The following PPP1R2 variants were observed in gnomAD, a reference collection of about 807,000 sequenced individuals.
PPP1R2 encodes protein phosphatase 1 regulatory inhibitor subunit 2, also known as protein phosphatase inhibitor 2.
A neutral mutation model predicts 29.9 loss-of-function variants in PPP1R2; 16 were observed. The ratio of observed to expected loss-of-function variants is 0.53; its 90% CI spans 0.36 to 0.81. The LOEUF (loss-of-function observed/expected upper bound fraction) is 0.81, where lower values mean the gene tolerates loss of function less well. Ranked by LOEUF, PPP1R2 falls within the 30% of genes least tolerant of loss-of-function variation. The pLI is 0.00. For missense variants in PPP1R2, 197 were observed against 252.7 expected, an observed-to-expected ratio of 0.78 and a Z score of 1.49; for synonymous variants, 76 against 91.5, an observed-to-expected ratio of 0.83 and a Z score of 0.96.
chr3:195,529,908 T>G lies in PPP1R2; in HGVS notation c.123-7A>C. 6.3e-7 allele frequency: 1 copy of G among 1,592,946 alleles called. No individual in the cohort carries two copies. The highest frequency in any genetic ancestry group is 8.5e-7 in the Non-Finnish European group (1 of 1,171,048). On this transcript the variant is annotated splice_region_variant and splice_polypyrimidine_tract_variant and intron_variant, in intron 1 of 5. Coordinates refer to ENST00000618156, the MANE Select transcript of PPP1R2 (RefSeq NM_006241.8). ...CCACTTCTGGGATTTTTTGCTAAAA[T>G]TAAAAAGAAAAAACGTTTTTCCCAA... is the stretch of plus-strand genomic sequence containing the variant.
In PPP1R2 at chr3:195,542,943, G is replaced by A. The variant is rs552785268; in HGVS notation, c.83C>T (p.Ser28Leu). 206 of 1,603,244 alleles carry A rather than the reference G, an allele frequency of 1.3e-4. 4 individuals are homozygous for A. In the South Asian group the frequency reaches 2.0e-3, roughly 16 times the overall value. The change falls in exon 1 of 6, where the codon TCG becomes TTG. Residue 28 changes from serine to leucine, a missense_variant. Ser to Leu is a moderately radical substitution (Grantham distance 145, BLOSUM62 -2). Coordinates refer to ENST00000618156, the MANE Select transcript of PPP1R2 (RefSeq NM_006241.8). ...GACATTCCCGCGGGGCTGTTCGGCC[G>A]ACGCCACCATAGAGGAAGTCGTAGA... ...KTSTTSSMVA[S>L]AEQPRGNVDE...
intron 2 of PPP1R2, chr3:195,529,529 G>A (rs1208617476): frequency 3.7e-6 from 1 of 268,306 alleles, no homozygotes; most frequent in East Asian, 7.4e-5. Context: ...ACTAATATAT[G>A]CACCATTAGT....
At chr3:195,533,410 TA>T (rs990902508) in intron 1 of PPP1R2, among the ~76,000 whole-genome samples, 1 of 151,960 alleles carries the variant, frequency 6.6e-6, no homozygotes, top group Non-Finnish European at 1.5e-5. Flanking sequence ...GTTGCTCCAG[TA>T]AATTGCCTGT....
chr3:195,519,791 C>G lies in PPP1R2; in HGVS notation c.404-606G>C, dbSNP rs145807848. Among the ~76,000 whole-genome samples, 33 of 151,906 alleles carry G rather than the reference C, an allele frequency of 2.2e-4. No individual in the cohort carries two copies. The East Asian group carries it at 6.0e-3, about 28-fold the overall frequency. ...ATTATAAAGTAATGGTGAAGTGACT[C>G]CAAAATATTTCATTTTAGTCTTCAC... On this transcript the variant is annotated intron_variant, in intron 4 of 5. Transcript: ENST00000618156.
At chr3:195,533,348 A>G (rs756770920) in intron 1 of PPP1R2, among the ~76,000 whole-genome samples, 9 of 133,264 alleles carry the variant, frequency 6.8e-5, no homozygotes, top group Admixed American at 2.3e-4. Flanking sequence ...CTGCCTCAGG[A>G]AAAAAAAAAA....
chr3:195,530,947 T>C (rs1255153323), intron 1 of PPP1R2, among the ~76,000 whole-genome samples: 1 of 151,892 alleles, frequency 6.6e-6, no homozygotes, highest in Non-Finnish European at 1.5e-5. Context: ...CTCAGCCTCC[T>C]GAGTAGCTGG....
At chr3:195,533,950 A>G (rs1224638872) in intron 1 of PPP1R2, among the ~76,000 whole-genome samples, 1 of 152,232 alleles carries the variant, frequency 6.6e-6, no homozygotes, top group Admixed American at 6.5e-5. Context: ...TTAAAATTAC[A>G]AGATAACAGA....
chr3:195,518,400 C>T (rs1267837003), intron 5 of PPP1R2, among the ~76,000 whole-genome samples: 1 of 152,072 alleles, frequency 6.6e-6, no homozygotes, highest in South Asian at 2.1e-4. Context: ...GCCTGTAATC[C>T]CAGCACTTTG....
At chr3:195,537,822 GACA>G (rs764187418) in intron 1 of PPP1R2, among the ~76,000 whole-genome samples, 7 of 151,894 alleles carry the variant, frequency 4.6e-5, no homozygotes, top group Non-Finnish European at 1.0e-4. Flanking sequence ...TCCAAAAAAA[GACA>G]ACAATAGCTT....
chr3:195,517,085 C>A, intron 5 of PPP1R2, 143 bp from the exon 6 acceptor site: 1 of 657,410 alleles, frequency 1.5e-6, no homozygotes, highest in Non-Finnish European at 2.7e-6. Context: ...CTGATTTAGA[C>A]TGAAATTGAA....
At position 195,516,139 on chromosome 3, in the gene PPP1R2, T is replaced by C. The variant is rs1248346770; in HGVS notation, c.*757A>G. 2.0e-5 allele frequency: 3 copies of C among 152,516 alleles called. No individual in the cohort carries two copies. The highest frequency in any genetic ancestry group is 7.2e-5 in the African/African-American group (3 of 41,432). 9.4% of individuals were successfully genotyped at this position (152,516 alleles called of 1,614,324 possible). A position where few individuals can be genotyped will look rare whatever the true frequency, so the allele number is the denominator to read the frequency against. On this transcript the variant is annotated 3_prime_UTR_variant, in exon 6 of 6. Coordinates refer to ENST00000618156, the MANE Select transcript of PPP1R2 (RefSeq NM_006241.8). The stretch of plus-strand genomic sequence containing the variant: ...GAATGGCGAGATAGCTACATTAGAA[T>C]ATTTATTTTTTTAAAAAACTGCTCT...
chr3:195,524,673 A>T, intron 3 of PPP1R2, 146 bp downstream of exon 3: 1 of 687,850 alleles, frequency 1.5e-6, no homozygotes, highest in Non-Finnish European at 2.4e-6. Context: ...AAAAAGGGGG[A>T]AAAAAGGAAA....
intron 1 of PPP1R2, among the ~76,000 whole-genome samples, chr3:195,531,568 A>AT (rs1323940654): frequency 1.3e-5 from 2 of 152,168 alleles, no homozygotes; most frequent in Non-Finnish European, 2.9e-5. Context: ...TTCTACCCTA[A>AT]TATACCCACA....
In PPP1R2 at chr3:195,525,010, C is replaced by T; in HGVS notation, c.231-114G>A. The stretch of plus-strand genomic sequence containing the variant: ...TTAACATATCAATATATTTATAGCT[C>T]TGTTGATATCTTTGAGGTTTAACTT... On this transcript the variant is annotated intron_variant, in intron 2 of 5. Coordinates refer to ENST00000618156, the MANE Select transcript of PPP1R2 (RefSeq NM_006241.8). The T allele has an allele frequency of 4.9e-6, 4 of 811,952 alleles. No individual in the cohort carries two copies. The South Asian group carries it at 6.3e-5, about 13-fold the overall frequency. 50.3% of individuals were successfully genotyped at this position (811,952 alleles called of 1,614,324 possible). A position where few individuals can be genotyped will look rare whatever the true frequency, so the allele number is the denominator to read the frequency against.
chr3:195,527,554 G>A (rs542730935), intron 2 of PPP1R2, among the ~76,000 whole-genome samples: 11 of 152,190 alleles, frequency 7.2e-5, no homozygotes, highest in Non-Finnish European at 1.2e-4. Context: ...TTGAGCCACT[G>A]CACCTGGCCT....
At position 195,521,411 on chromosome 3, in the gene PPP1R2, A is replaced by C. The variant is rs114318860; in HGVS notation, c.404-2226T>G. Among the ~76,000 whole-genome samples, 772 of 150,866 alleles carry C rather than the reference A, an allele frequency of 5.1e-3. 5 individuals are homozygous for C. Among genetic ancestry groups the C allele is most frequent in the African/African-American group, 0.018 (738 of 41,208 alleles). Reference sequence around the variant, plus strand: ...AGTAAACATTCTGCCATAATGATTTATGTAATTTTAAAATCGTTACAAGTT... The same window carrying C: ...AGTAAACATTCTGCCATAATGATTTCTGTAATTTTAAAATCGTTACAAGTT... On this transcript the variant is annotated intron_variant, in intron 4 of 5. Coordinates refer to ENST00000618156, the MANE Select transcript of PPP1R2 (RefSeq NM_006241.8).
intron 3 of PPP1R2, among the ~76,000 whole-genome samples, chr3:195,524,003 A>G (rs1022124714): frequency 6.6e-6 from 1 of 151,940 alleles, no homozygotes; most frequent in South Asian, 2.1e-4. Context: ...TGGGAGCACT[A>G]GTTAAACCCA....
chr3:195,524,681 A>C (rs1362466244), intron 3 of PPP1R2, 138 bp downstream of exon 3: 1 of 725,182 alleles, frequency 1.4e-6, no homozygotes, highest in African/African-American at 1.8e-5. Context: ...GGAAAAAAGG[A>C]AAAAAAAGTC....
At chr3:195,523,620 C>T in intron 4 of PPP1R2, 72 bp downstream of exon 4, 1 of 1,247,012 alleles carries the variant, frequency 8.0e-7, no homozygotes, top group Admixed American at 1.9e-5. Context: ...ATTTGCTCAT[C>T]TTCCAAATAA....
Sources: gnomAD v4.1 joint callset for allele counts (sites outside exome capture counted in the v4.1 genomes callset) on GRCh38, gnomAD v4.1.1 for gene constraint, MANE v1.5 for transcripts, NCBI Gene and HGNC (gene_info 2026-07-23, HGNC 2026-07-21) for gene names.